The following DNAI1 variants were observed in gnomAD, a reference collection of about 807,000 sequenced individuals.
The protein encoded by DNAI1 is dynein, axonemal, intermediate polypeptide 1.
In DNAI1, 67 loss-of-function variants were observed where a neutral mutation model predicts 92.0. The observed-to-expected ratio is 0.73, with a 90% CI of 0.60 to 0.89. The LOEUF (loss-of-function observed/expected upper bound fraction) is 0.89. Ranked by LOEUF, DNAI1 falls within the 40% of genes least tolerant of loss-of-function variation. The pLI is 0.00. For synonymous variants in DNAI1, 323 were observed against 319.6 expected (o/e 1.01, Z -0.11); for missense variants, 839 against 866.6 (o/e 0.97, Z 0.40).
chr9:34,461,346 C>T (rs778802132), intron 1 of DNAI1, among the ~76,000 whole-genome samples: 5 of 152,216 alleles, frequency 3.3e-5, no homozygotes, highest in South Asian at 2.1e-4. Flanking sequence ...TTTAGTTGTA[C>T]GTGTTGACAA....
rs1365766455 is a variant in DNAI1 at position 34,458,995 on chromosome 9, C to T, written c.-11C>T. ...ACGAGGGAGCGTTTTGTAGGCTCTC[C>T]AGGGGTTGAGATGATTCCTGCTTCT... On this transcript the variant is annotated 5_prime_UTR_variant, in exon 1 of 20. Coordinates refer to ENST00000242317, the MANE Select transcript of DNAI1 (RefSeq NM_012144.4). This position sits in a 1 kb window ranked among gnomAD's most constrained non-coding sequence, Gnocchi z 6.6. 1.2e-6 allele frequency: 2 copies of T among 1,614,062 alleles called. No individual in the cohort carries two copies. Among genetic ancestry groups the T allele is most frequent in the Non-Finnish European group, 1.7e-6 (2 of 1,179,902 alleles).
chr9:34,485,618 C>A, intron 4 of DNAI1, 101 bp downstream of exon 4: 1 of 1,108,468 alleles, frequency 9.0e-7, no homozygotes, highest in Non-Finnish European at 1.3e-6. Flanking sequence ...TAGAGGAGAG[C>A]ACTTTTAAAC....
At chr9:34,499,182 A>T (rs971954959) in intron 10 of DNAI1, among the ~76,000 whole-genome samples, 3 of 152,218 alleles carry the variant, frequency 2.0e-5, no homozygotes, top group African/African-American at 7.2e-5. Context: ...TTCAAAGATA[A>T]CCCAAGCGGG....
intron 13 of DNAI1, among the ~76,000 whole-genome samples, chr9:34,510,317 C>T (rs1339921022): frequency 6.6e-6 from 1 of 152,194 alleles, no homozygotes; most frequent in Non-Finnish European, 1.5e-5. Context: ...GCAGGCCCTA[C>T]TGTGAAGCTT....
At chr9:34,501,098 T>A (rs754427423) in intron 11 of DNAI1, 40 bp from the exon 12 acceptor site, 2 of 1,571,542 alleles carry the variant, frequency 1.3e-6, no homozygotes. Flanking sequence ...GAGGGCCATG[T>A]TCATTTCCTA....
At chr9:34,511,965 G>C (rs1825072911) in intron 13 of DNAI1, 144 bp from the exon 14 acceptor site, 3 of 750,356 alleles carry the variant, frequency 4.0e-6, no homozygotes. Context: ...GAGGGAGAAA[G>C]GACCAATCAT....
chr9:34,515,464 A>G (rs995839895), intron 18 of DNAI1, among the ~76,000 whole-genome samples: 4 of 152,208 alleles, frequency 2.6e-5, no homozygotes. Context: ...AGGGAAAGAT[A>G]CAAAAAGCAA....
intron 9 of DNAI1, among the ~76,000 whole-genome samples, chr9:34,495,033 A>C (rs1824691353): frequency 6.6e-6 from 1 of 152,188 alleles, no homozygotes; most frequent in African/African-American, 2.4e-5. Context: ...GAGGGGAGAA[A>C]AGATAAAAAC....
At position 34,520,648 on chromosome 9, in the gene DNAI1, C is replaced by T. The variant is rs1453560428; in HGVS notation, c.2002-10C>T. ...CATTCCTCCCTCATGTATACTTTCC[C>T]TCTCCCCAGGAAAAGAAGGGGCAGG... On this transcript the variant is annotated splice_polypyrimidine_tract_variant and intron_variant, in intron 19 of 19. Transcript: ENST00000242317. The T allele has an allele frequency of 6.4e-7, 1 of 1,551,360 alleles. No individual in the cohort carries two copies. Among genetic ancestry groups the T allele is most frequent in the Non-Finnish European group, 8.7e-7 (1 of 1,146,826 alleles).
chr9:34,517,825 A>C lies in DNAI1; in HGVS notation c.2001+358A>C, dbSNP rs965458027. Among the ~76,000 whole-genome samples, 4 of 152,198 alleles carry C rather than the reference A, an allele frequency of 2.6e-5. No homozygotes were observed. The South Asian group carries it at 6.2e-4, about 24-fold the overall frequency. ...CAGGCAGGGGGCCTGGGGCTGAGCC[A>C]CTGCCTCATTGACTGGGCTTTCACA... On this transcript the variant is annotated intron_variant, in intron 19 of 19. Transcript: ENST00000242317.
In DNAI1 at chr9:34,477,042, G is replaced by T. The variant is rs1415755968; in HGVS notation, c.49-6406G>T. On this transcript the variant is annotated intron_variant, in intron 1 of 19. Transcript: ENST00000242317. ...TTATTTTATTTTATTTTGAGACAGG[G>T]TCTCGCTATTTTGCCCAGATTGGAG... 2.0e-5 allele frequency among the ~76,000 whole-genome samples: 3 copies of T among 152,058 alleles called. No homozygotes were observed. The South Asian group carries it at 6.2e-4, about 31-fold the overall frequency.
chr9:34,483,257 A>G (rs949269470), intron 1 of DNAI1, among the ~76,000 whole-genome samples, 191 bp from the exon 2 acceptor site: 10 of 152,212 alleles, frequency 6.6e-5, no homozygotes, highest in Non-Finnish European at 1.0e-4. Context: ...GGGCTCCTCA[A>G]ATGCCACAAA....
rs1825087795 is a variant in DNAI1, at chr9:34,512,567, G to T, written c.1489+143G>T. The T allele has an allele frequency of 3.3e-5, 27 of 806,532 alleles. No homozygotes were observed. In the South Asian group the frequency reaches 4.0e-4, roughly 12 times the overall value. 50.0% of individuals were successfully genotyped at this position (806,532 alleles called of 1,614,324 possible). On this transcript the variant is annotated intron_variant, in intron 15 of 19. Coordinates refer to ENST00000242317, the MANE Select transcript of DNAI1 (RefSeq NM_012144.4). ...TGACAGGAGATTGTAGGAAGGCCCG[G>T]CCCTGTCTGCTGAACCCTTGGCTGT... is the stretch of plus-strand genomic sequence containing the variant.
At chr9:34,481,525 T>G (rs1824354532) in intron 1 of DNAI1, among the ~76,000 whole-genome samples, 1 of 152,238 alleles carries the variant, frequency 6.6e-6, no homozygotes, top group Non-Finnish European at 1.5e-5. Context: ...TGGTGGGTTC[T>G]TGGTCTCACT....
chr9:34,497,618 A>C (rs1490487299), intron 10 of DNAI1, among the ~76,000 whole-genome samples: 1 of 152,228 alleles, frequency 6.6e-6, no homozygotes. Flanking sequence ...TACTCAGAGC[A>C]CCTTGGGAAT....
chr9:34,492,811 G>A (rs1464957566), intron 8 of DNAI1, among the ~76,000 whole-genome samples: 1 of 151,580 alleles, frequency 6.6e-6, no homozygotes, highest in African/African-American at 2.4e-5. Context: ...GTAAGCCACT[G>A]TGCCTGGCCT....
At chr9:34,481,484 G>C (rs1438639257) in intron 1 of DNAI1, among the ~76,000 whole-genome samples, 1 of 152,172 alleles carries the variant, frequency 6.6e-6, no homozygotes, top group Non-Finnish European at 1.5e-5. Context: ...CTGAAACTTG[G>C]GAAGGCTCAA....
intron 10 of DNAI1, among the ~76,000 whole-genome samples, chr9:34,499,132 G>A (rs1824778231): frequency 6.6e-6 from 1 of 152,172 alleles, no homozygotes; most frequent in Non-Finnish European, 1.5e-5. Flanking sequence ...TGAAAATAGA[G>A]AAGTGTTACC....
chr9:34,459,863 G>C (rs1289006785), intron 1 of DNAI1, among the ~76,000 whole-genome samples: 1 of 152,250 alleles, frequency 6.6e-6, no homozygotes, highest in Non-Finnish European at 1.5e-5. Context: ...ACAGAATACA[G>C]GACAGGCTAT....
Sources: gnomAD v4.1 joint callset for allele counts (sites outside exome capture counted in the v4.1 genomes callset) on GRCh38, gnomAD v4.1.1 for gene constraint, Gnocchi (gnomAD v3.1) non-coding constraint, MANE v1.5 for transcripts, NCBI Gene and HGNC (gene_info 2026-07-23, HGNC 2026-07-21) for gene names.